Variants in CNTNAP5 observed in about 807,000 individuals in gnomAD.
CNTNAP5 encodes contactin associated protein family member 5.
Under a neutral mutation model 150.2 loss-of-function variants are expected in CNTNAP5, and 72 were observed. The ratio of observed to expected loss-of-function variants is 0.48; its 90% confidence interval spans 0.40 to 0.58. The LOEUF is 0.58. CNTNAP5 is among the 20% of genes least tolerant of loss of function. The pLI, the probability that CNTNAP5 is intolerant of heterozygous loss-of-function variation, is 0.00. For synonymous variants in CNTNAP5, 672 were observed against 619.8 expected, an observed-to-expected ratio of 1.08 and a Z score of -1.25; for missense variants, 1,636 against 1,626.2, an observed-to-expected ratio of 1.01 and a Z score of -0.10.
In CNTNAP5 at chr2:124,887,677, G is replaced by C. The variant is rs1573689254; in HGVS notation, c.3437-15205G>C. Among the ~76,000 whole-genome samples, 3 of 152,124 alleles carry C rather than the reference G, an allele frequency of 2.0e-5. No individual in the cohort carries two copies. In the East Asian group the frequency reaches 5.8e-4, roughly 29 times the overall value. On this transcript the variant is annotated intron_variant, in intron 21 of 23. Transcript: ENST00000682447. ...AATGAGGATGAAAGAAGGAACTCCT[G>C]TGAAATTCATTCTAGAAAGAAAACT...
At chr2:124,678,352 T>G in intron 13 of CNTNAP5, among the ~76,000 whole-genome samples, 1 of 151,788 alleles carries the variant, frequency 6.6e-6, no homozygotes, top group East Asian at 1.9e-4. Context: ...AATTACTGGG[T>G]GTCTTAAGCG....
At chr2:124,121,162 AC>A (rs1174817863) in intron 1 of CNTNAP5, among the ~76,000 whole-genome samples, 2 of 151,988 alleles carry the variant, frequency 1.3e-5, no homozygotes, top group East Asian at 3.9e-4. Flanking sequence ...ACACACACAC[AC>A]AAACACACAT....
chr2:124,093,337 C>T (rs1238185536), intron 1 of CNTNAP5, among the ~76,000 whole-genome samples: 2 of 152,200 alleles, frequency 1.3e-5, no homozygotes, highest in Non-Finnish European at 2.9e-5. Context: ...GGTAAATATA[C>T]ATAAAGCCTC....
At chr2:124,474,652 A>G (rs1004670889) in intron 6 of CNTNAP5, 87 bp from the exon 7 acceptor site, 14 of 1,155,776 alleles carry the variant, frequency 1.2e-5, no homozygotes, top group Admixed American at 3.3e-5. Flanking sequence ...ATACAATTGA[A>G]TCTACCAAAA....
At chr2:124,875,602 T>C (rs988522584) in intron 21 of CNTNAP5, among the ~76,000 whole-genome samples, 2 of 152,070 alleles carry the variant, frequency 1.3e-5, no homozygotes, top group African/African-American at 2.4e-5. Flanking sequence ...AAGCTTTATA[T>C]GCAAATTACT....
intron 7 of CNTNAP5, among the ~76,000 whole-genome samples, chr2:124,484,614 C>T: frequency 6.6e-6 from 1 of 152,092 alleles, no homozygotes; most frequent in East Asian, 1.9e-4. Context: ...TTTTTATAGC[C>T]TCACTCTGCT....
chr2:124,700,947 C>A (rs1558740584), intron 13 of CNTNAP5, among the ~76,000 whole-genome samples: 2 of 151,970 alleles, frequency 1.3e-5, no homozygotes, highest in Non-Finnish European at 2.9e-5. Flanking sequence ...GGTTATTATA[C>A]TGAGGCAAAT....
At position 124,296,383 on chromosome 2, in the gene CNTNAP5, G is replaced by T. The variant is rs137982770; in HGVS notation, c.381+53990G>T. ...AGCGGCTCTTAACTGCCCGCAAATG[G>T]CCCACAGCACACACCCTTACAGAGT... On this transcript the variant is annotated intron_variant, in intron 3 of 23. Transcript: ENST00000682447. 9.0e-3 allele frequency among the ~76,000 whole-genome samples: 1,367 copies of T among 152,268 alleles called. 21 individuals are homozygous for T. The highest frequency in any genetic ancestry group is 0.031 in the African/African-American group (1,277 of 41,566).
At chr2:124,912,245 A>G (rs1464114307) in intron 23 of CNTNAP5, among the ~76,000 whole-genome samples, 1 of 152,082 alleles carries the variant, frequency 6.6e-6, no homozygotes, top group Admixed American at 6.6e-5. Context: ...TCTATCTGAG[A>G]AACATAACCT....
At chr2:124,263,109 T>G (rs748204079) in intron 3 of CNTNAP5, among the ~76,000 whole-genome samples, 1 of 152,322 alleles carries the variant, frequency 6.6e-6, no homozygotes, top group Admixed American at 6.5e-5. Context: ...ACAATAAACA[T>G]ACGTGTGTGT....
At chr2:124,670,038 G>A (rs1429772216) in intron 13 of CNTNAP5, among the ~76,000 whole-genome samples, 3 of 151,964 alleles carry the variant, frequency 2.0e-5, no homozygotes, top group Non-Finnish European at 4.4e-5. Flanking sequence ...GCGAGACCAG[G>A]GGCCCTCTTA....
intron 3 of CNTNAP5, 99 bp from the exon 4 acceptor site, chr2:124,417,344 G>A (rs532626517): frequency 2.5e-6 from 3 of 1,182,658 alleles, no homozygotes; most frequent in South Asian, 1.5e-5. Context: ...TGAGAAATTA[G>A]GTATGTTCTC....
chr2:124,431,434 TAGC>T (rs1341190031), intron 4 of CNTNAP5, among the ~76,000 whole-genome samples: 1 of 150,528 alleles, frequency 6.6e-6, no homozygotes, highest in Non-Finnish European at 1.5e-5. Flanking sequence ...ATGGGGGAAA[TAGC>T]AGCAACATAA....
intron 1 of CNTNAP5, among the ~76,000 whole-genome samples, chr2:124,062,242 C>T (rs960775979): frequency 6.6e-5 from 10 of 152,164 alleles, no homozygotes; most frequent in African/African-American, 2.4e-4. Context: ...ATATGAACTG[C>T]TCCTATTATT....
At chr2:124,358,785 C>A (rs905159145) in intron 3 of CNTNAP5, among the ~76,000 whole-genome samples, 1 of 151,664 alleles carries the variant, frequency 6.6e-6, no homozygotes, top group Non-Finnish European at 1.5e-5. Context: ...TGTGTCTCTG[C>A]CAGGCTTTGG....
intron 3 of CNTNAP5, among the ~76,000 whole-genome samples, chr2:124,403,101 G>A (rs1691471380): frequency 6.6e-6 from 1 of 152,202 alleles, no homozygotes; most frequent in Non-Finnish European, 1.5e-5. Flanking sequence ...TGTGCTGCTA[G>A]TTCCTCCTTA....
At chr2:124,262,244 C>CA (rs1558824518) in intron 3 of CNTNAP5, among the ~76,000 whole-genome samples, 1 of 151,732 alleles carries the variant, frequency 6.6e-6, no homozygotes, top group Non-Finnish European at 1.5e-5. Flanking sequence ...GACCCTGTCT[C>CA]AAAAAATAAT....
At chr2:124,579,741 G>A (rs1030368464) in intron 11 of CNTNAP5, among the ~76,000 whole-genome samples, 14 of 152,350 alleles carry the variant, frequency 9.2e-5, no homozygotes, top group African/African-American at 2.9e-4. Context: ...ACCATAACCT[G>A]TGAATAACAT....
intron 3 of CNTNAP5, among the ~76,000 whole-genome samples, chr2:124,334,340 A>G (rs1415506340): frequency 6.6e-6 from 1 of 152,204 alleles, no homozygotes; most frequent in Non-Finnish European, 1.5e-5. Context: ...AAGTGGAGGC[A>G]TCAGTAAATG....
Sources: allele counts gnomAD v4.1 joint callset (sites outside exome capture counted in the v4.1 genomes callset), GRCh38; gene constraint gnomAD v4.1.1; transcripts MANE v1.5; gene names NCBI Gene and HGNC (gene_info 2026-07-23, HGNC 2026-07-21).